The following ZSCAN18 variants were observed in gnomAD, a reference collection of about 807,000 sequenced individuals.
The protein encoded by ZSCAN18 is zinc finger and SCAN domain-containing protein 18.
Under a neutral mutation model 31.1 loss-of-function variants are expected in ZSCAN18, and 16 were observed. The observed-to-expected ratio is 0.51, with a 90% CI of 0.35 to 0.78. The LOEUF (loss-of-function observed/expected upper bound fraction) is 0.78. Among genes scored for constraint, ZSCAN18 ranks in the 30% least tolerant of loss-of-function variants. The pLI is 0.01. For synonymous variants in ZSCAN18, 375 were observed against 320.7 expected, an observed-to-expected ratio of 1.17 and a Z score of -1.81; for missense variants, 731 against 697.4, an observed-to-expected ratio of 1.05 and a Z score of -0.54.
intron 3 of ZSCAN18, chr19:58,088,145 C>CA (rs2074322866): frequency 6.5e-6 from 1 of 153,998 alleles, no homozygotes; most frequent in Non-Finnish European, 1.4e-5. Context: ...CACATATGGG[C>CA]ACACAAGTCA....
At chr19:58,107,712 A>C (rs1043666544) in intron 1 of ZSCAN18, 4 of 989,162 alleles carry the variant, frequency 4.0e-6, no homozygotes, top group Non-Finnish European at 4.8e-6. Context: ...AGAGGAGGCA[A>C]AGAAAATCAG....
At chr19:58,089,747 G>T in intron 2 of ZSCAN18, 118 bp downstream of exon 2, 1 of 1,281,556 alleles carries the variant, frequency 7.8e-7, no homozygotes, top group Non-Finnish European at 1.1e-6. Flanking sequence ...GGACCAAGGA[G>T]CTGCCTCAGC....
At position 58,085,050 on chromosome 19, in the gene ZSCAN18, C is replaced by T. The variant is rs750192198; in HGVS notation, c.1168G>A (p.Asp390Asn). 3 of 1,597,558 alleles carry T rather than the reference C, an allele frequency of 1.9e-6. No individual in the cohort carries two copies. Among genetic ancestry groups the T allele is most frequent in the Non-Finnish European group, 8.5e-7 (1 of 1,171,234 alleles). ...QSLEGVSSSG[D>N]SAGLEAGQGP... ...TGCCCGGCCTCCAGCCCTGCGCTGT[C>T]GCCGGAGCTAGAGACGCCCTCGAGG... The change falls in exon 7 of 7, where the codon GAC becomes AAC. Residue 390 changes from aspartate to asparagine, a missense_variant. Coordinates refer to ENST00000601144, the MANE Select transcript of ZSCAN18 (RefSeq NM_001145543.2).
At chr19:58,109,257 C>T (rs367563322) in intron 1 of ZSCAN18, 4 of 1,231,584 alleles carry the variant, frequency 3.2e-6, no homozygotes, top group South Asian at 8.2e-5. Context: ...AGTTCCTTCC[C>T]AACACCATCC....
chr19:58,104,563 A>G (rs2074620083), intron 1 of ZSCAN18, among the ~76,000 whole-genome samples: 2 of 151,944 alleles, frequency 1.3e-5, no homozygotes, highest in Non-Finnish European at 2.9e-5. Flanking sequence ...TTAGCCAGGC[A>G]TGGTGGCAAG....
At chr19:58,106,946 G>A (rs1332441195) in intron 1 of ZSCAN18, among the ~76,000 whole-genome samples, 1 of 151,478 alleles carries the variant, frequency 6.6e-6, no homozygotes, top group Non-Finnish European at 1.5e-5. Flanking sequence ...TGTATTTTTA[G>A]TAGAGATGAG....
At chr19:58,100,530 C>G (rs1435181074), upstream of ZSCAN18, among the ~76,000 whole-genome samples, 2 of 152,150 alleles carry the variant, frequency 1.3e-5, no homozygotes, top group Non-Finnish European at 2.9e-5. Context: ...GTGGTCGAAA[C>G]GGGCTCCTTA....
Position 58,087,664 on chromosome 19 carries a change from TAA to T in ZSCAN18, c.554-262_554-261del, listed in dbSNP as rs753628654. On this transcript the variant is annotated intron_variant, in intron 3 of 6. Coordinates refer to ENST00000601144, the MANE Select transcript of ZSCAN18 (RefSeq NM_001145543.2). ...TTTTTTTTTTGGTTTGTTTGTTTTT[TAA>T]AGACAGGGTCTTGCTCTGTCACCTA... 9.8e-4 allele frequency: 428 copies of T among 437,544 alleles called. 1 individual carries two copies. The highest frequency in any genetic ancestry group is 1.5e-3 in the Non-Finnish European group (350 of 240,508). The allele number at this position is 437,544 out of a possible 1,614,324, so 27.1% of individuals were successfully genotyped here.
In ZSCAN18 at chr19:58,085,135, G is replaced by C. The variant is rs749351546; in HGVS notation, c.1083C>G (p.Asp361Glu). 3.4e-5 allele frequency: 54 copies of C among 1,610,114 alleles called. No homozygotes were observed. The highest frequency in any genetic ancestry group is 4.4e-5 in the Non-Finnish European group (52 of 1,178,738). The change falls in exon 7 of 7, where the codon GAC (aspartate) becomes GAG (glutamate). Residue 361 changes from aspartate to glutamate, a missense_variant. Coordinates refer to ENST00000601144, the MANE Select transcript of ZSCAN18 (RefSeq NM_001145543.2). Reference protein sequence around the residue: ...RQSVIQQPAPDRGTAKLGTKR... With the variant: ...RQSVIQQPAPERGTAKLGTKR... The stretch of plus-strand genomic sequence containing the variant: ...TGGTTCCCAGTTTCGCCGTGCCCCT[G>C]TCCGGGGCAGGCTGCTGGATGACGG...
intron 1 of ZSCAN18, among the ~76,000 whole-genome samples, chr19:58,104,921 C>T (rs955998812): frequency 1.3e-5 from 2 of 152,184 alleles, no homozygotes; most frequent in Non-Finnish European, 2.9e-5. Context: ...GTAAAGAAAA[C>T]AGCCTTCTGT....
chr19:58,115,975 C>T (rs2074726406), intron 1 of ZSCAN18, among the ~76,000 whole-genome samples: 1 of 151,448 alleles, frequency 6.6e-6, no homozygotes, highest in Non-Finnish European at 1.5e-5. Context: ...ACAGGAAAGG[C>T]AAGACAAAAA....
intron 6 of ZSCAN18, 89 bp downstream of exon 6, chr19:58,086,085 G>A (rs2074274003): frequency 5.5e-6 from 6 of 1,098,364 alleles, no homozygotes; most frequent in Non-Finnish European, 8.2e-6. Flanking sequence ...GGTCTTTGCT[G>A]GGGCTGATGG....
intron 1 of ZSCAN18, chr19:58,107,553 C>T (rs2074644333): frequency 1.5e-6 from 1 of 688,872 alleles, no homozygotes; most frequent in Middle Eastern, 7.5e-4. Context: ...AAGAGTGAAA[C>T]TCTGTCTCAA....
At chr19:58,100,503 T>C (rs1355632600), upstream of ZSCAN18, among the ~76,000 whole-genome samples, 4 of 152,146 alleles carry the variant, frequency 2.6e-5, no homozygotes, top group Admixed American at 2.6e-4. Context: ...AGTCACCTCA[T>C]TAGCATAAAC....
intron 1 of ZSCAN18, among the ~76,000 whole-genome samples, chr19:58,112,820 G>A (rs1367731666): frequency 4.7e-5 from 7 of 147,498 alleles, no homozygotes; most frequent in East Asian, 2.0e-4. Context: ...GCATGGTGGC[G>A]GGCAACTGTA....
chr19:58,116,633 T>C (rs1420197889), intron 1 of ZSCAN18, among the ~76,000 whole-genome samples: 3 of 152,042 alleles, frequency 2.0e-5, no homozygotes, highest in Non-Finnish European at 4.4e-5. Context: ...AGGAAGAAGC[T>C]AGGGCACGGA....
chr19:58,102,236 CT>C (rs2074600148), upstream of ZSCAN18, among the ~76,000 whole-genome samples: 3 of 151,986 alleles, frequency 2.0e-5, no homozygotes, highest in East Asian at 3.9e-4. Flanking sequence ...AGGTGGGCTG[CT>C]CACGAGGTCA....
chr19:58,090,600 T>G lies in ZSCAN18; in HGVS notation c.-119-214A>C. ...CATTCTGTGCATTACCAGAATTTTT[T>G]TTTCTTTGAGACCGAGTCACCCTCT... On this transcript the variant is annotated intron_variant, in intron 1 of 6. Transcript: ENST00000601144. This position sits in a 1 kb window ranked among gnomAD's most constrained non-coding sequence, Gnocchi z 4.7. The G allele has an allele frequency of 2.2e-6, 1 of 458,820 alleles. No individual in the cohort carries two copies. The highest frequency in any genetic ancestry group is 3.7e-6 in the Non-Finnish European group (1 of 266,834). 28.4% of individuals were successfully genotyped at this position (458,820 alleles called of 1,614,324 possible).
At position 58,112,478 on chromosome 19, in the gene ZSCAN18, G is replaced by A. The variant is rs140030787; in HGVS notation, c.130+5789C>T. ...ATCCTGGCTAACACAGTGAAACCCC[G>A]TCTCCACCAAAAATACAAAAAAATT... On this transcript the variant is annotated intron_variant, in intron 1 of 1. Transcript: ENST00000595721. Among the ~76,000 whole-genome samples, 766 of 151,258 alleles carry A rather than the reference G, an allele frequency of 5.1e-3. 8 individuals carry two copies. Among genetic ancestry groups the A allele is most frequent in the African/African-American group, 0.017 (698 of 41,202 alleles).
Sources: gnomAD v4.1 joint callset for allele counts (sites outside exome capture counted in the v4.1 genomes callset) on GRCh38, gnomAD v4.1.1 for gene constraint, Gnocchi (gnomAD v3.1) non-coding constraint, MANE v1.5 for transcripts, NCBI Gene and HGNC (gene_info 2026-07-23, HGNC 2026-07-21) for gene names.